Variants in KPNA4 observed in about 807,000 individuals in gnomAD.
KPNA4 encodes karyopherin subunit alpha 4, also known as importin subunit alpha-3.
A neutral mutation model predicts 71.3 loss-of-function variants in KPNA4; 13 were observed. The ratio of observed to expected loss-of-function variants is 0.18; its 90% CI spans 0.12 to 0.29. KPNA4 has a LOEUF of 0.29. Among genes scored for constraint, KPNA4 ranks in the 10% least tolerant of loss-of-function variants. The probability of loss-of-function intolerance (pLI) is 1.00; values close to 1 mark genes in which losing one functional copy is unlikely to be tolerated. For synonymous variants in KPNA4, 189 were observed against 195.2 expected, an observed-to-expected ratio of 0.97 and a Z score of 0.26; for missense variants, 334 against 603.2, an observed-to-expected ratio of 0.55 and a Z score of 4.67.
intron 1 of KPNA4, chr3:160,564,181 C>T (rs1205117248): frequency 6.6e-6 from 1 of 152,168 alleles, no homozygotes; most frequent in African/African-American, 2.4e-5. Context: ...TATCAAAAAT[C>T]TCAGTGGGGT....
chr3:160,515,419 GCTAT>G (rs761287831), intron 12 of KPNA4, 29 bp downstream of exon 12: 47 of 1,523,826 alleles, frequency 3.1e-5, no homozygotes, highest in Non-Finnish European at 9.9e-6. Context: ...CATTTTAAGT[GCTAT>G]CTATTAAGTA....
chr3:160,564,723 C>T (rs1722305010), intron 1 of KPNA4: 1 of 152,052 alleles, frequency 6.6e-6, no homozygotes, highest in Non-Finnish European at 1.5e-5. Context: ...GGAGACGCCT[C>T]GGGCCTCGCT....
intron 1 of KPNA4, among the ~76,000 whole-genome samples, chr3:160,553,486 A>G (rs1722079620): frequency 6.6e-6 from 1 of 152,250 alleles, no homozygotes. Flanking sequence ...AGCAGCTGGC[A>G]GAGCAGAACT....
chr3:160,519,932 C>T (rs1438107939), intron 11 of KPNA4, among the ~76,000 whole-genome samples: 1 of 151,714 alleles, frequency 6.6e-6, no homozygotes, highest in Non-Finnish European at 1.5e-5. Flanking sequence ...ACATGGGGTT[C>T]CATTACACTA....
intron 15 of KPNA4, among the ~76,000 whole-genome samples, chr3:160,506,164 CTTTAT>C (rs1218541600): frequency 1.8e-4 from 28 of 151,732 alleles, no homozygotes; most frequent in Admixed American, 1.2e-3. Flanking sequence ...CCACTATATA[CTTTAT>C]TTTATTTTAT....
Position 160,495,569 on chromosome 3 carries a change from T to C in KPNA4, c.*6535A>G, listed in dbSNP as rs781065742. The stretch of plus-strand genomic sequence containing the variant: ...TGTCTATATGAGTTCTATAAACATA[T>C]GTAATTTTACCTTAACTAAAAGGTT... On this transcript the variant is annotated 3_prime_UTR_variant, in exon 17 of 17. Transcript: ENST00000334256. 3 of 152,016 alleles carry C rather than the reference T, an allele frequency of 2.0e-5. No individual in the cohort carries two copies. The highest frequency in any genetic ancestry group is 2.9e-5 in the Non-Finnish European group (2 of 68,014). The allele number at this position is 152,016 out of a possible 1,614,324, so 9.4% of individuals were successfully genotyped here.
At chr3:160,547,416 G>T (rs536775121) in intron 1 of KPNA4, among the ~76,000 whole-genome samples, 2 of 152,100 alleles carry the variant, frequency 1.3e-5, no homozygotes, top group Non-Finnish European at 2.9e-5. Context: ...CCACACAAAA[G>T]ACTACTTTTC....
At chr3:160,522,000 C>G (rs1721358458) in intron 10 of KPNA4, 90 bp from the exon 11 acceptor site, 2 of 1,062,112 alleles carry the variant, frequency 1.9e-6, no homozygotes, top group Admixed American at 2.5e-5. Context: ...AATTGTTCAA[C>G]TACCTTCTTC....
intron 13 of KPNA4, among the ~76,000 whole-genome samples, chr3:160,512,067 C>T (rs535830304): frequency 2.0e-5 from 3 of 152,050 alleles, no homozygotes; most frequent in Admixed American, 6.6e-5. Flanking sequence ...TCTACAATGC[C>T]TATCATTTAT....
Position 160,559,718 on chromosome 3 carries a change from ACTGT to A in KPNA4, c.69+5492_69+5495del, listed in dbSNP as rs1312194492. Among the ~76,000 whole-genome samples the A allele has an allele frequency of 4.6e-5, 7 of 152,254 alleles. No individual in the cohort carries two copies. The East Asian group carries it at 9.6e-4, about 21-fold the overall frequency. ...AAACATAACATACTTTCCTTTTTCA[ACTGT>A]CTGTCTGTGTGAAGGTGGACATTCT... On this transcript the variant is annotated intron_variant, in intron 1 of 16. Transcript: ENST00000334256.
At chr3:160,550,070 C>T (rs1584688) in intron 1 of KPNA4, among the ~76,000 whole-genome samples, 77,042 of 152,002 alleles carry the variant, frequency 0.51, 20,041 homozygotes, top group Non-Finnish European at 0.55. Context: ...TGTATGTTGA[C>T]TTTGTATCCT....
chr3:160,535,935 G>C, intron 2 of KPNA4, 38 bp from the exon 3 acceptor site: 2 of 1,015,262 alleles, frequency 2.0e-6, no homozygotes, highest in Non-Finnish European at 2.4e-6. Flanking sequence ...ACCAAACAGA[G>C]AATTTGAGTT....
chr3:160,526,230 G>T, intron 8 of KPNA4, 123 bp from the exon 9 acceptor site: 1 of 647,122 alleles, frequency 1.5e-6, no homozygotes, highest in Non-Finnish European at 2.4e-6. Context: ...TTCAGTTTTA[G>T]ACAATAACAA....
chr3:160,530,134 C>CA (rs746257397), intron 7 of KPNA4, among the ~76,000 whole-genome samples: 2,614 of 37,374 alleles, frequency 0.07, 79 homozygotes, highest in Non-Finnish European at 0.082. Context: ...GACTCCATCT[C>CA]AAAAAAAAAA....
At position 160,495,472 on chromosome 3, in the gene KPNA4, G is replaced by GTCA. The variant is rs1303459770; in HGVS notation, c.*6629_*6631dup. On this transcript the variant is annotated 3_prime_UTR_variant, in exon 17 of 17. Coordinates refer to ENST00000334256, the MANE Select transcript of KPNA4 (RefSeq NM_002268.5). ...TTCTGTTTCTGAATTAGACCGAACAGTCACCATGTAGGTAACTTAGCTATC... is the reference window on the plus strand; with the variant it reads ...TTCTGTTTCTGAATTAGACCGAACAGTCATCACCATGTAGGTAACTTAGCTATC... The GTCA allele has an allele frequency of 2.0e-5, 3 of 151,924 alleles. No homozygotes were observed. The East Asian group carries it at 5.8e-4, about 29-fold the overall frequency. 9.4% of individuals were successfully genotyped at this position (151,924 alleles called of 1,614,324 possible). A position where few individuals can be genotyped will look rare whatever the true frequency, so the allele number is the denominator to read the frequency against.
At chr3:160,557,325 G>A (rs1435026659) in intron 1 of KPNA4, among the ~76,000 whole-genome samples, 24 of 152,080 alleles carry the variant, frequency 1.6e-4, no homozygotes, top group African/African-American at 2.4e-5. Flanking sequence ...ATAAATTTAT[G>A]TAACACTTAC....
chr3:160,565,241 A>G lies in KPNA4; in HGVS notation c.42T>C (p.Asn14=), dbSNP rs1200196169. 1 of 1,609,944 alleles carries G rather than the reference A, an allele frequency of 6.2e-7. No individual in the cohort carries two copies. The highest frequency in any genetic ancestry group is 1.7e-5 in the Admixed American group (1 of 59,708). Residue 14 remains asparagine (N), a synonymous_variant, in exon 1 of 17, where the codon AAT becomes AAC. Transcript: ENST00000334256. ...NEKLDNQRLK[N]FKNKGRDLET... ...CCAAGTCGCGGCCTTTGTTCTTGAA[A>G]TTCTTGAGCCGTTGGTTGTCCAGTT...
intron 10 of KPNA4, among the ~76,000 whole-genome samples, chr3:160,525,343 AC>A (rs1475813836): frequency 6.6e-6 from 1 of 151,170 alleles, no homozygotes; most frequent in African/African-American, 2.5e-5. Flanking sequence ...CCATGCACAA[AC>A]ATTTTCCTTT....
intron 10 of KPNA4, among the ~76,000 whole-genome samples, chr3:160,525,422 C>T (rs1721439517): frequency 6.6e-6 from 1 of 152,014 alleles, no homozygotes; most frequent in South Asian, 2.1e-4. Context: ...GTCAAAATGA[C>T]CTTCTGTAAA....
Sources: allele counts gnomAD v4.1 joint callset (sites outside exome capture counted in the v4.1 genomes callset), GRCh38; gene constraint gnomAD v4.1.1; transcripts MANE v1.5; gene names NCBI Gene and HGNC (gene_info 2026-07-23, HGNC 2026-07-21).